The following MAP3K21 variants were observed in gnomAD, a reference collection of about 807,000 sequenced individuals.
MAP3K21 encodes the protein mitogen-activated protein kinase kinase kinase 21.
Under a neutral mutation model 86.1 loss-of-function variants are expected in MAP3K21, and 63 were observed. That is an observed-to-expected ratio of 0.73 (90% CI 0.60 to 0.90). MAP3K21 has a LOEUF of 0.90. Ranked by LOEUF, MAP3K21 falls within the 40% of genes least tolerant of loss-of-function variation. The pLI is 0.00. For missense variants in MAP3K21, 1,220 were observed against 1,367.7 expected, an observed-to-expected ratio of 0.89 and a Z score of 1.70; for synonymous variants, 558 against 564.8, an observed-to-expected ratio of 0.99 and a Z score of 0.17.
intron 9 of MAP3K21, among the ~76,000 whole-genome samples, chr1:233,380,040 C>T (rs550440814): frequency 3.9e-5 from 6 of 152,326 alleles, no homozygotes; most frequent in Admixed American, 2.0e-4. Flanking sequence ...AGTGGGAGGG[C>T]TGGAACTGAA....
At chr1:233,339,473 T>TCCTCCTCCTCCTC (rs1662994847) in intron 1 of MAP3K21, among the ~76,000 whole-genome samples, 1 of 23,378 alleles carries the variant, frequency 4.3e-5, no homozygotes. Context: ...TCCTTCTCCT[T>TCCTCCTCCTCCTC]CTTCTTCTTC....
At chr1:233,350,936 T>C (rs914320084) in intron 2 of MAP3K21, among the ~76,000 whole-genome samples, 1 of 152,228 alleles carries the variant, frequency 6.6e-6, no homozygotes, top group African/African-American at 2.4e-5. Context: ...CTTTTCACAT[T>C]GGTTTTTCAT....
intron 1 of MAP3K21, among the ~76,000 whole-genome samples, chr1:233,333,785 C>T (rs575031452): frequency 8.5e-5 from 13 of 152,260 alleles, no homozygotes; most frequent in African/African-American, 2.9e-4. Context: ...ATTTGTAAGC[C>T]CTGCTTTTTC....
intron 1 of MAP3K21, among the ~76,000 whole-genome samples, chr1:233,333,462 T>A (rs1465463710): frequency 1.3e-5 from 2 of 152,168 alleles, no homozygotes; most frequent in African/African-American, 4.8e-5. Context: ...AGTAAGTAGC[T>A]GGCCAGGTGT....
chr1:233,382,306 T>G lies in MAP3K21; in HGVS notation c.2706T>G (p.Thr902=). 6.2e-7 allele frequency: 1 copy of G among 1,606,670 alleles called. No individual in the cohort carries two copies. Among genetic ancestry groups the G allele is most frequent in the South Asian group, 1.1e-5 (1 of 90,742 alleles). ...TACTGTTTTGGCTTTCTCAACCAGC[T>G]GGTGCAACTATTATCTCAGCCACTG... ...RTMSDGNPTP[T]GATIISATGA... Residue 902 remains threonine (T), a splice_region_variant and synonymous_variant, in exon 10 of 10, where the codon ACT becomes ACG. Coordinates refer to ENST00000366624, the MANE Select transcript of MAP3K21 (RefSeq NM_032435.3).
intron 6 of MAP3K21, among the ~76,000 whole-genome samples, chr1:233,374,333 G>A (rs10910140): frequency 0.19 from 28,767 of 151,718 alleles, 2,856 homozygotes; most frequent in South Asian, 0.3. Context: ...CCGCCACCAC[G>A]CCCGGCTAAT....
intron 5 of MAP3K21, among the ~76,000 whole-genome samples, chr1:233,371,776 T>C (rs906156711): frequency 6.6e-6 from 1 of 151,932 alleles, no homozygotes; most frequent in Non-Finnish European, 1.5e-5. Context: ...TGTGTGTGTG[T>C]GTGTGTGTAT....
chr1:233,364,008 T>C (rs1663518462), intron 5 of MAP3K21, among the ~76,000 whole-genome samples: 1 of 151,726 alleles, frequency 6.6e-6, no homozygotes, highest in African/African-American at 2.4e-5. Context: ...AATGAGACTC[T>C]GTCTCAAAAA....
intron 6 of MAP3K21, 158 bp downstream of exon 6, chr1:233,372,318 T>G: frequency 1.3e-6 from 1 of 783,396 alleles, no homozygotes; most frequent in Non-Finnish European, 1.9e-6. Flanking sequence ...AACTTGAGCA[T>G]AGGTTCCTTA....
Position 233,328,703 on chromosome 1 carries a change from C to T in MAP3K21, c.675C>T (p.Gly225=), listed in dbSNP as rs988541002. The T allele has an allele frequency of 8.0e-6, 11 of 1,378,926 alleles. No individual in the cohort carries two copies. In the African/African-American group the frequency reaches 9.1e-5, roughly 11 times the overall value. 85.4% of individuals were successfully genotyped at this position (1,378,926 alleles called of 1,614,324 possible). ...CCGCCCCGGACCCGCGCGCGCCCGG[C>T]CCCCGCCGCGCGCGCCGCATCCCTC... The part of the protein sequence containing the change: ...ANAAPDPRAP[G]PRRARRIPPH... The change falls in exon 1 of 10, where the codon GGC becomes GGT. Residue 225 remains glycine, a synonymous_variant. Coordinates refer to ENST00000366624, the MANE Select transcript of MAP3K21 (RefSeq NM_032435.3). This position sits in a 1 kb window ranked among gnomAD's most constrained non-coding sequence, Gnocchi z 8.7.
At position 233,328,340 on chromosome 1, in the gene MAP3K21, C is replaced by T. The variant is rs1213654689; in HGVS notation, c.312C>T (p.Ala104=). ...ACGTGGCTCCCTGCCGCCCGGCCGC[C>T]AGCCCCGCGCCGCCGCCCTCGCGGC... ...ANYVAPCRPA[A]SPAPPPSRPS... Residue 104 remains alanine (A), a synonymous_variant, in exon 1 of 10, where the codon GCC becomes GCT. Coordinates refer to ENST00000366624, the MANE Select transcript of MAP3K21 (RefSeq NM_032435.3). The surrounding 1 kb of genome is among the most constrained non-coding windows in gnomAD (Gnocchi z 8.7). 9 of 1,467,678 alleles carry T rather than the reference C, an allele frequency of 6.1e-6. No homozygotes were observed. In the Admixed American group the frequency reaches 2.3e-4, roughly 37 times the overall value. 90.9% of individuals were successfully genotyped at this position (1,467,678 alleles called of 1,614,324 possible). A position where few individuals can be genotyped will look rare whatever the true frequency, so the allele number is the denominator to read the frequency against.
chr1:233,369,567 C>T (rs191584941), intron 5 of MAP3K21, among the ~76,000 whole-genome samples: 66 of 152,174 alleles, frequency 4.3e-4, no homozygotes, highest in African/African-American at 1.4e-3. Flanking sequence ...GGCCCAATCC[C>T]GCCTCTACCC....
At chr1:233,376,330 T>C in intron 7 of MAP3K21, 100 bp from the exon 8 acceptor site, 1 of 879,702 alleles carries the variant, frequency 1.1e-6, no homozygotes. Flanking sequence ...AAATGTGTTC[T>C]CTTTACTACC....
rs768355973 is a variant in MAP3K21, at chr1:233,346,596, G to C, written c.960G>C (p.Leu320Phe). ...WMAPEVIKSS[L>F]FSKGSDIWSY... The stretch of plus-strand genomic sequence containing the variant: ...CCCCCGAAGTGATCAAGTCTTCCTT[G>C]TTTTCTAAGGGAAGCGACATCTGGA... The change falls in exon 2 of 10, where the codon TTG (leucine) becomes TTC (phenylalanine). Residue 320 changes from leucine to phenylalanine, a missense_variant. Physicochemically the swap from Leu to Phe is conservative, Grantham distance 22 (BLOSUM62 0). Coordinates refer to ENST00000366624, the MANE Select transcript of MAP3K21 (RefSeq NM_032435.3). 11 of 1,613,312 alleles carry C rather than the reference G, an allele frequency of 6.8e-6. No homozygotes were observed. Among genetic ancestry groups the C allele is most frequent in the Non-Finnish European group, 7.6e-6 (9 of 1,179,766 alleles).
intron 3 of MAP3K21, 99 bp from the exon 4 acceptor site, chr1:233,354,737 G>A (rs1212132262): frequency 1.0e-6 from 1 of 983,926 alleles, no homozygotes; most frequent in Non-Finnish European, 1.6e-6. Context: ...AGTTTGGAAT[G>A]ACAAATGTTA....
intron 4 of MAP3K21, among the ~76,000 whole-genome samples, chr1:233,360,406 G>A (rs1386911715): frequency 1.3e-5 from 2 of 151,958 alleles, no homozygotes; most frequent in Non-Finnish European, 2.9e-5. Context: ...AAAACCAACT[G>A]ATAGGCATAT....
At chr1:233,373,619 T>A (rs1663728759) in intron 6 of MAP3K21, 1 of 152,426 alleles carries the variant, frequency 6.6e-6, no homozygotes, top group Admixed American at 6.5e-5. Context: ...CCAGCCTGGA[T>A]GTTGCTCATC....
rs184437058 is a variant in MAP3K21, at chr1:233,331,254, T to C, written c.805+2421T>C. ...CAGGCAGGATTCCCTTTGCTTTAAA[T>C]TGTTGCACTCTTATAAAAGACTTAA... is the stretch of plus-strand genomic sequence containing the variant. On this transcript the variant is annotated intron_variant, in intron 1 of 9. Transcript: ENST00000366624. Among the ~76,000 whole-genome samples, 356 of 152,336 alleles carry C rather than the reference T, an allele frequency of 2.3e-3. 1 individual carries two copies. Among genetic ancestry groups the C allele is most frequent in the Admixed American group, 4.2e-3 (64 of 15,300 alleles).
In MAP3K21 at chr1:233,382,364, G is replaced by C; in HGVS notation, c.2764G>C (p.Ala922Pro). The change falls in exon 10 of 10, where the codon GCT becomes CCT. Residue 922 changes from alanine (A) to proline (P), a missense_variant. Around this residue, in one of 5 missense-constraint regions of MAP3K21, gnomAD observed 632 missense variants for 691.3 expected, o/e 0.91. Coordinates refer to ENST00000366624, the MANE Select transcript of MAP3K21 (RefSeq NM_032435.3). The part of the protein sequence containing the change: ...ASALPLCPSP[A>P]PHSHLPREVS... ...TGCACTGCCACTCTGCCCCTCACCT[G>C]CTCCTCACAGTCATCTGCCAAGGGA... The C allele has an allele frequency of 6.2e-7, 1 of 1,614,012 alleles. No individual in the cohort carries two copies. Among genetic ancestry groups the C allele is most frequent in the African/African-American group, 1.3e-5 (1 of 74,984 alleles).
Sources: gnomAD v4.1 joint callset for allele counts (sites outside exome capture counted in the v4.1 genomes callset) on GRCh38, gnomAD v4.1.1 for gene constraint, gnomAD v4.1.1 regional missense constraint, Gnocchi (gnomAD v3.1) non-coding constraint, MANE v1.5 for transcripts, NCBI Gene and HGNC (gene_info 2026-07-23, HGNC 2026-07-21) for gene names.